Variants in BCL3 observed in about 807,000 individuals in gnomAD.
BCL3 encodes B-cell lymphoma 3 protein.
A neutral mutation model predicts 35.7 loss-of-function variants in BCL3; 15 were observed. The ratio of observed to expected loss-of-function variants is 0.42; its 90% CI spans 0.28 to 0.65. BCL3 has a LOEUF of 0.65. BCL3 is among the 30% of genes least tolerant of loss of function. The pLI is 0.22. For missense variants in BCL3, 565 were observed against 641.7 expected (o/e 0.88, Z 1.29); for synonymous variants, 311 against 284.3 (o/e 1.09, Z -0.95).
chr19:44,757,642 G>T lies in BCL3; in HGVS notation c.814-4G>T, dbSNP rs763039956. ...GAAACTAAGACCTTCCCTCCCCGCCGCAGGACATTAAGAGCGGCCGCTCCC... is the reference window on the plus strand; with the variant it reads ...GAAACTAAGACCTTCCCTCCCCGCCTCAGGACATTAAGAGCGGCCGCTCCC... On this transcript the variant is annotated splice_polypyrimidine_tract_variant and splice_region_variant and intron_variant, in intron 5 of 8. Transcript: ENST00000164227. This position sits in a 1 kb window ranked among gnomAD's most constrained non-coding sequence, Gnocchi z 8.4. The T allele has an allele frequency of 2.5e-6, 4 of 1,613,590 alleles. No homozygotes were observed.
chr19:44,748,009 A>G (rs1248521897), upstream of BCL3: 1 of 1,296,598 alleles, frequency 7.7e-7, no homozygotes, highest in Non-Finnish European at 1.0e-6. Context: ...GAGGGGAGGG[A>G]GAGGAATCGT....
chr19:44,755,641 G>A (rs945834072), intron 2 of BCL3, among the ~76,000 whole-genome samples: 1 of 152,160 alleles, frequency 6.6e-6, no homozygotes, highest in African/African-American at 2.4e-5. Flanking sequence ...ACTGGGCGTG[G>A]TGGCTCACGC....
chr19:44,752,611 A>G (rs545925201), intron 2 of BCL3, among the ~76,000 whole-genome samples: 26 of 152,158 alleles, frequency 1.7e-4, no homozygotes, highest in African/African-American at 5.8e-4. Flanking sequence ...CACAACCCCC[A>G]TGGTTTATCA....
At chr19:44,758,560 G>A in intron 7 of BCL3, 147 bp downstream of exon 7, 1 of 1,302,074 alleles carries the variant, frequency 7.7e-7, no homozygotes, top group Non-Finnish European at 1.1e-6. Context: ...GCGGGTGTGA[G>A]TTCCAGAAAT....
At chr19:44,752,962 G>A (rs914788767) in intron 2 of BCL3, among the ~76,000 whole-genome samples, 19 of 152,286 alleles carry the variant, frequency 1.2e-4, no homozygotes, top group East Asian at 9.6e-4. Flanking sequence ...GGGCTGCTCC[G>A]CCACTGGCCC....
At chr19:44,756,361 G>C (rs761927471) in intron 3 of BCL3, 21 bp downstream of exon 3, 1 of 1,446,894 alleles carries the variant, frequency 6.9e-7, no homozygotes, top group African/African-American at 1.5e-5. Flanking sequence ...GTCTGAGGGA[G>C]GAGGGCTGGG....
intron 8 of BCL3, among the ~76,000 whole-genome samples, chr19:44,759,194 C>G (rs1339322995): frequency 1.4e-5 from 2 of 147,132 alleles, no homozygotes; most frequent in Non-Finnish European, 3.0e-5. Flanking sequence ...TCCCTCACAC[C>G]CCCAGCCCCT....
chr19:44,748,241 C>A, upstream of BCL3: 1 of 455,936 alleles, frequency 2.2e-6, no homozygotes, highest in Admixed American at 3.7e-5. Flanking sequence ...CACAAAGAGA[C>A]AAAAGAGAGA....
At chr19:44,748,035 G>C (rs1470316430), upstream of BCL3, 1 of 1,328,884 alleles carries the variant, frequency 7.5e-7, no homozygotes, top group African/African-American at 1.5e-5. Context: ...GCCGCCTGCC[G>C]AGTGCCAGTC....
Position 44,757,709 on chromosome 19 carries a change from C to T in BCL3, c.877C>T (p.Gln293Ter). Residue 293 changes from glutamine (Q) to a stop codon, truncating the protein, a stop_gained, in exon 6 of 9, where the codon CAG (glutamine) becomes TAG (stop). Transcript: ENST00000164227. LOFTEE classifies it high-confidence loss of function. The surrounding 1 kb of genome is among the most constrained non-coding windows in gnomAD (Gnocchi z 8.4). The stretch of plus-strand genomic sequence containing the variant: ...GGAAAACAACAGCCTTAGCATGGTG[C>T]AGCTGCTGCTGCAGGTGCGTACAGC... ...AVENNSLSMV[Q>*]LLLQHGANVN... is the part of the protein sequence containing the mutation. 6.2e-7 allele frequency: 1 copy of T among 1,613,862 alleles called. No individual in the cohort carries two copies. The highest frequency in any genetic ancestry group is 8.5e-7 in the Non-Finnish European group (1 of 1,179,888).
chr19:44,756,803 G>A (rs1357988904), intron 3 of BCL3, among the ~76,000 whole-genome samples: 3 of 152,032 alleles, frequency 2.0e-5, no homozygotes, highest in Non-Finnish European at 4.4e-5. Flanking sequence ...CAGAATTCAG[G>A]TACTAGGGAA....
At position 44,757,674 on chromosome 19, in the gene BCL3, T is replaced by C; in HGVS notation, c.842T>C (p.Ile281Thr). 1 of 1,613,902 alleles carries C rather than the reference T, an allele frequency of 6.2e-7. No individual in the cohort carries two copies. The highest frequency in any genetic ancestry group is 8.5e-7 in the Non-Finnish European group (1 of 1,179,910). ...VDIKSGRSPL[I>T]HAVENNSLSM... ...ATTAAGAGCGGCCGCTCCCCGCTCA[T>C]CCACGCCGTGGAAAACAACAGCCTT... Residue 281 changes from isoleucine to threonine, a missense_variant, in exon 6 of 9, where the codon ATC becomes ACC. Physicochemically the swap from Ile to Thr is moderately conservative, Grantham distance 89 (BLOSUM62 -1). Around this residue, in one of 5 missense-constraint regions of BCL3, gnomAD observed 103 missense variants for 106.7 expected, o/e 0.97. Coordinates refer to ENST00000164227, the MANE Select transcript of BCL3 (RefSeq NM_005178.5). The surrounding 1 kb of genome is among the most constrained non-coding windows in gnomAD (Gnocchi z 8.4).
rs745806788 is a variant in BCL3, at chr19:44,758,392, C to T, written c.1038C>T (p.Leu346=). Residue 346 remains leucine (L), a synonymous_variant, in exon 7 of 9, where the codon CTC becomes CTT. Transcript: ENST00000164227. ...SLKNCHNDTP[L]MVARSRRVID... is the part of the protein sequence containing the mutation. ...AGAACTGCCACAACGACACGCCGCT[C>T]ATGGTGGCGCGCAGCCGCAGGGTGA... 1.9e-6 allele frequency: 3 copies of T among 1,545,772 alleles called. No homozygotes were observed. The highest frequency in any genetic ancestry group is 2.6e-6 in the Non-Finnish European group (3 of 1,146,968).
Position 44,751,369 on chromosome 19 carries a change from G to T in BCL3, c.399G>T (p.Glu133Asp). The change falls in exon 2 of 9, where the codon GAG becomes GAT. Residue 133 changes from glutamate (E) to aspartate (D), a missense_variant. Transcript: ENST00000164227. ...ADIAMATRAD[E>D]DGDTPLHIAV... The stretch of plus-strand genomic sequence containing the variant: ...TCGCCATGGCCACCCGTGCAGATGA[G>T]GACGGAGACACGTGAGTGACAGTCC... 6.3e-7 allele frequency: 1 copy of T among 1,584,514 alleles called. No individual in the cohort carries two copies. Among genetic ancestry groups the T allele is most frequent in the Non-Finnish European group, 8.5e-7 (1 of 1,169,900 alleles).
At chr19:44,750,778 A>G (rs1967163910) in intron 1 of BCL3, among the ~76,000 whole-genome samples, 1 of 152,090 alleles carries the variant, frequency 6.6e-6, no homozygotes, top group Admixed American at 6.6e-5. Context: ...GCGAGACTAC[A>G]TCTCAAAAAC....
Position 44,756,278 on chromosome 19 carries a change from C to A in BCL3, c.457C>A (p.Arg153=). The change falls in exon 3 of 9, where the codon CGG becomes AGG. Residue 153 remains arginine (R), a synonymous_variant. Coordinates refer to ENST00000164227, the MANE Select transcript of BCL3 (RefSeq NM_005178.5). ...VVQGNLPAVH[R]LVNLFQQGGR... is the part of the protein sequence containing the mutation. ...GCAGGGTAACCTGCCAGCTGTGCAC[C>A]GGCTGGTCAACCTCTTCCAGCAGGG... is the stretch of plus-strand genomic sequence containing the variant. 5 of 1,556,456 alleles carry A rather than the reference C, an allele frequency of 3.2e-6. No homozygotes were observed. The highest frequency in any genetic ancestry group is 3.5e-6 in the Non-Finnish European group (4 of 1,148,176).
chr19:44,758,488 G>A (rs373579508), intron 7 of BCL3, 75 bp downstream of exon 7: 15 of 1,493,424 alleles, frequency 1.0e-5, no homozygotes, highest in East Asian at 5.0e-5. Flanking sequence ...GTGTGCCAGA[G>A]CGCAGAGGAG....
chr19:44,759,834 C>G lies in BCL3; in HGVS notation c.*219C>G. On this transcript the variant is annotated 3_prime_UTR_variant, in exon 9 of 9. Transcript: ENST00000164227. ...CCCAGGACTCTGACCCCAGCATTCT[C>G]AGGCACCAGTCCCTGTCCGGAATGC... 1 of 473,746 alleles carries G rather than the reference C, an allele frequency of 2.1e-6. No homozygotes were observed. The highest frequency in any genetic ancestry group is 3.7e-6 in the Non-Finnish European group (1 of 271,298). The allele number at this position is 473,746 out of a possible 1,614,324, so 29.3% of individuals were successfully genotyped here.
chr19:44,751,623 A>G (rs893144755), intron 2 of BCL3, among the ~76,000 whole-genome samples: 1 of 152,070 alleles, frequency 6.6e-6, no homozygotes. Context: ...TTTTTTTGAG[A>G]CAGGGTCTCA....
Sources: gnomAD v4.1 joint callset for allele counts (sites outside exome capture counted in the v4.1 genomes callset) on GRCh38, gnomAD v4.1.1 for gene constraint, gnomAD v4.1.1 regional missense constraint, Gnocchi (gnomAD v3.1) non-coding constraint, MANE v1.5 for transcripts, NCBI Gene and HGNC (gene_info 2026-07-23, HGNC 2026-07-21) for gene names.